Variants in WDR17 observed in about 807,000 individuals in gnomAD.
WDR17 encodes the protein WD repeat domain 17.
A neutral mutation model predicts 161.7 loss-of-function variants in WDR17; 143 were observed. That is an observed-to-expected ratio of 0.88 (90% confidence interval 0.77 to 1.02). The LOEUF is 1.02. Among genes scored for constraint, WDR17 ranks in the 50% least tolerant of loss-of-function variants. The pLI is 0.00. For missense variants in WDR17, 1,469 were observed against 1,520.9 expected, an observed-to-expected ratio of 0.97 and a Z score of 0.57; for synonymous variants, 517 against 515.6, an observed-to-expected ratio of 1.00 and a Z score of -0.04.
At chr4:176,069,553 T>C (rs1291670074) in intron 1 of WDR17, among the ~76,000 whole-genome samples, 1 of 152,226 alleles carries the variant, frequency 6.6e-6, no homozygotes, top group Non-Finnish European at 1.5e-5. Flanking sequence ...ACTTGTTTTG[T>C]ACATTCAAAT....
chr4:176,162,289 A>T, intron 21 of WDR17, 115 bp downstream of exon 21: 1 of 809,618 alleles, frequency 1.2e-6, no homozygotes, highest in Non-Finnish European at 1.9e-6. Context: ...CATGTCTTCG[A>T]AGCCTGAGTA....
intron 1 of WDR17, among the ~76,000 whole-genome samples, chr4:176,079,001 T>C (rs1734409398): frequency 6.6e-6 from 1 of 152,138 alleles, no homozygotes; most frequent in African/African-American, 2.4e-5. Flanking sequence ...TTTTGTATTA[T>C]TTAATCCATC....
chr4:176,073,351 G>A lies in WDR17; in HGVS notation c.-7+7272G>A, dbSNP rs1247485071. 2.6e-5 allele frequency among the ~76,000 whole-genome samples: 4 copies of A among 152,064 alleles called. 1 individual carries two copies. The highest frequency in any genetic ancestry group is 4.2e-4 in the South Asian group (2 of 4,808). On this transcript the variant is annotated intron_variant, in intron 1 of 28. Coordinates refer to ENST00000508596, the MANE Select transcript of WDR17 (RefSeq NM_181265.4). ...TTCCCACCTATGAGTGAGAACATGC[G>A]GTGTTTGGTTTTTTGTCCTTGCGAT...
intron 1 of WDR17, among the ~76,000 whole-genome samples, chr4:176,093,443 G>A (rs1736395024): frequency 1.3e-5 from 2 of 152,030 alleles, no homozygotes; most frequent in African/African-American, 4.8e-5. Flanking sequence ...TTCAATGCCT[G>A]CAATAAGTTT....
intron 1 of WDR17, among the ~76,000 whole-genome samples, chr4:176,101,250 TG>T (rs2126660222): frequency 6.6e-6 from 1 of 152,242 alleles, no homozygotes; most frequent in South Asian, 2.1e-4. Flanking sequence ...TAAGCAGGGC[TG>T]GGGGTACTGA....
intron 4 of WDR17, among the ~76,000 whole-genome samples, chr4:176,123,351 G>A (rs553237058): frequency 2.0e-5 from 3 of 152,082 alleles, no homozygotes; most frequent in African/African-American, 4.8e-5. Flanking sequence ...GCAGACACTC[G>A]CTGAGCGTCC....
chr4:176,137,980 C>T (rs2126778637), intron 9 of WDR17, among the ~76,000 whole-genome samples: 1 of 151,544 alleles, frequency 6.6e-6, no homozygotes, highest in East Asian at 1.9e-4. Context: ...CCTGTTTCTT[C>T]ACCTAAAAAA....
At chr4:176,073,015 A>G (rs1362335630) in intron 1 of WDR17, among the ~76,000 whole-genome samples, 2 of 152,044 alleles carry the variant, frequency 1.3e-5, no homozygotes, top group Non-Finnish European at 2.9e-5. Context: ...AGATTTTTTC[A>G]CCAGATGTCT....
At chr4:176,067,475 A>G (rs1282308290) in intron 1 of WDR17, among the ~76,000 whole-genome samples, 1 of 152,236 alleles carries the variant, frequency 6.6e-6, no homozygotes, top group African/African-American at 2.4e-5. Flanking sequence ...TATTGTTTAC[A>G]TTGTTCTGAC....
chr4:176,073,932 A>G (rs1196382506), intron 1 of WDR17, among the ~76,000 whole-genome samples: 1 of 149,536 alleles, frequency 6.7e-6, no homozygotes, highest in African/African-American at 2.4e-5. Context: ...CATATCCTTC[A>G]CCCACTTTTT....
At chr4:176,122,687 T>C (rs1741798455) in intron 4 of WDR17, among the ~76,000 whole-genome samples, 1 of 152,226 alleles carries the variant, frequency 6.6e-6, no homozygotes, top group Admixed American at 6.5e-5. Context: ...GCACCACAGA[T>C]GGTTCTATAC....
intron 1 of WDR17, among the ~76,000 whole-genome samples, chr4:176,100,005 T>G (rs1737559183): frequency 6.6e-6 from 1 of 152,208 alleles, no homozygotes; most frequent in Non-Finnish European, 1.5e-5. Flanking sequence ...TTAAGTTGAT[T>G]CTATAGCTTT....
At chr4:176,174,954 C>T (rs1046415362) in intron 26 of WDR17, among the ~76,000 whole-genome samples, 3 of 152,216 alleles carry the variant, frequency 2.0e-5, no homozygotes, top group African/African-American at 7.2e-5. Flanking sequence ...CATGTCAAGA[C>T]ACTTGAGACA....
intron 11 of WDR17, among the ~76,000 whole-genome samples, chr4:176,142,888 G>A (rs888301923): frequency 1.3e-5 from 2 of 152,060 alleles, no homozygotes; most frequent in African/African-American, 4.8e-5. Flanking sequence ...GTTTTTTGTG[G>A]GTTTTTTGAG....
At chr4:176,117,187 T>A (rs1185226400) in intron 3 of WDR17, among the ~76,000 whole-genome samples, 1 of 152,024 alleles carries the variant, frequency 6.6e-6, no homozygotes, top group African/African-American at 2.4e-5. Flanking sequence ...GCACAATGCT[T>A]TGTGATATAT....
At chr4:176,137,712 C>G (rs1301927949) in intron 9 of WDR17, 101 bp downstream of exon 9, 1 of 631,196 alleles carries the variant, frequency 1.6e-6, no homozygotes, top group African/African-American at 1.9e-5. Context: ...ACTTAATAAT[C>G]AGGTGGTATG....
intron 1 of WDR17, among the ~76,000 whole-genome samples, chr4:176,097,103 A>C (rs1229232732): frequency 2.0e-5 from 3 of 152,002 alleles, no homozygotes; most frequent in Non-Finnish European, 4.4e-5. Context: ...ACATTTGCAT[A>C]GTGTTTTGAA....
intron 10 of WDR17, 39 bp downstream of exon 10, chr4:176,140,013 G>A (rs756225904): frequency 6.7e-7 from 1 of 1,494,758 alleles, no homozygotes; most frequent in Non-Finnish European, 9.2e-7. Context: ...AAATTACACT[G>A]TTTATAAAGC....
At chr4:176,132,444 G>C (rs929052791) in intron 7 of WDR17, among the ~76,000 whole-genome samples, 2 of 151,938 alleles carry the variant, frequency 1.3e-5, no homozygotes, top group Non-Finnish European at 2.9e-5. Context: ...CCACTGGTTT[G>C]AATTAGACTA....
Sources: allele counts gnomAD v4.1 joint callset (sites outside exome capture counted in the v4.1 genomes callset), GRCh38; gene constraint gnomAD v4.1.1; transcripts MANE v1.5; gene names NCBI Gene and HGNC (gene_info 2026-07-23, HGNC 2026-07-21).